KCNAB1: variants seen among roughly 807,000 people sequenced by gnomAD.
The protein encoded by KCNAB1 is voltage-gated potassium channel subunit beta-1.
In KCNAB1, 35 loss-of-function variants were observed where a neutral mutation model predicts 64.6. The ratio of observed to expected loss-of-function variants is 0.54; its 90% CI spans 0.41 to 0.72. The LOEUF is 0.72. Among genes scored for constraint, KCNAB1 ranks in the 30% least tolerant of loss-of-function variants. KCNAB1 has a pLI of 0.00. For synonymous variants in KCNAB1, 177 were observed against 183.8 expected (o/e 0.96, Z 0.30); for missense variants, 401 against 512.9 (o/e 0.78, Z 2.11).
chr3:156,137,591 C>T (rs1462837638), intron 1 of KCNAB1, among the ~76,000 whole-genome samples: 8 of 151,832 alleles, frequency 5.3e-5, no homozygotes, highest in South Asian at 2.1e-4. Context: ...CTCTATCACC[C>T]AGGCTGGAGT....
chr3:156,347,127 C>G (rs535695456), intron 1 of KCNAB1, among the ~76,000 whole-genome samples: 258 of 152,116 alleles, frequency 1.7e-3, no homozygotes, highest in African/African-American at 6.0e-3. Context: ...AAAGGTAACA[C>G]AAATTTTAAT....
At chr3:156,485,987 G>A (rs1275103126) in intron 8 of KCNAB1, among the ~76,000 whole-genome samples, 1 of 152,068 alleles carries the variant, frequency 6.6e-6, no homozygotes, top group Non-Finnish European at 1.5e-5. Context: ...GGCCCAGGAG[G>A]GTTGCTGCAT....
chr3:156,285,981 GATTA>G (rs765472878), intron 1 of KCNAB1, among the ~76,000 whole-genome samples: 48 of 152,312 alleles, frequency 3.2e-4, no homozygotes, highest in Non-Finnish European at 5.1e-4. Flanking sequence ...CCTATCCTTT[GATTA>G]ATTATGCTAT....
chr3:156,216,608 T>G (rs1012225238), intron 1 of KCNAB1, among the ~76,000 whole-genome samples: 2 of 152,182 alleles, frequency 1.3e-5, no homozygotes, highest in Non-Finnish European at 2.9e-5. Flanking sequence ...GTACTAACCC[T>G]GTGCATGAAT....
chr3:156,423,685 G>T (rs1380931166), intron 2 of KCNAB1, among the ~76,000 whole-genome samples: 2 of 152,206 alleles, frequency 1.3e-5, no homozygotes, highest in Admixed American at 6.5e-5. Context: ...AGCTTTGCAA[G>T]TTCAGGTGGG....
intron 1 of KCNAB1, among the ~76,000 whole-genome samples, chr3:156,172,443 C>A (rs1304119555): frequency 6.6e-6 from 1 of 152,180 alleles, no homozygotes; most frequent in South Asian, 2.1e-4. Context: ...CCACACCCAG[C>A]TAATTTTTGT....
chr3:156,259,583 G>A (rs1340936291), intron 1 of KCNAB1, among the ~76,000 whole-genome samples: 1 of 152,210 alleles, frequency 6.6e-6, no homozygotes. Context: ...TACCGAAACA[G>A]GAGCGTTGCT....
rs1711589961 is a variant in KCNAB1, at chr3:156,375,534, T to C, written c.276-46082T>C. Among the ~76,000 whole-genome samples the C allele has an allele frequency of 3.0e-5, 4 of 135,498 alleles. 2 individuals carry two copies. Among genetic ancestry groups the C allele is most frequent in the African/African-American group, 1.3e-4 (4 of 30,224 alleles). 88.9% of individuals were successfully genotyped at this position (135,498 alleles called of 152,430 possible). On this transcript the variant is annotated intron_variant, in intron 1 of 13. Transcript: ENST00000490337. ...AAAACAACGTTAATACATGTTATAA[T>C]TCTTTAAAAATGAATTATAAAATGG...
In KCNAB1 at chr3:156,516,287, T is replaced by C; in HGVS notation, c.883T>C (p.Trp295Arg). The change falls in exon 11 of 14, where the codon TGG (tryptophan) becomes CGG (arginine). Residue 295 changes from tryptophan to arginine, a missense_variant. Transcript: ENST00000490337. ...YHKIGVGAMT[W>R]SPLACGIISG... Reference sequence around the variant, plus strand: ...TTCTGTAGGTGTTGGCGCAATGACATGGTCTCCACTTGCCTGTGGAATCAT... The same window carrying C: ...TTCTGTAGGTGTTGGCGCAATGACACGGTCTCCACTTGCCTGTGGAATCAT... The C allele has an allele frequency of 6.2e-7, 1 of 1,613,844 alleles. No homozygotes were observed. The highest frequency in any genetic ancestry group is 8.5e-7 in the Non-Finnish European group (1 of 1,179,714).
At chr3:156,243,696 T>C (rs912406332) in intron 1 of KCNAB1, among the ~76,000 whole-genome samples, 1 of 152,234 alleles carries the variant, frequency 6.6e-6, no homozygotes, top group African/African-American at 2.4e-5. Flanking sequence ...ACTACTTCTA[T>C]TTAAGATTAG....
intron 3 of KCNAB1, among the ~76,000 whole-genome samples, chr3:156,454,394 C>T (rs1712233854): frequency 6.6e-6 from 1 of 152,180 alleles, no homozygotes; most frequent in Admixed American, 6.5e-5. Context: ...TGTCCTTTTA[C>T]TGACCAGTCA....
rs1042852474 is a variant in KCNAB1, at chr3:156,503,452, G to A, written c.659-10912G>A. 2.6e-5 allele frequency among the ~76,000 whole-genome samples: 4 copies of A among 152,326 alleles called. No individual in the cohort carries two copies. In the East Asian group the frequency reaches 7.7e-4, roughly 29 times the overall value. On this transcript the variant is annotated intron_variant, in intron 8 of 13. Coordinates refer to ENST00000490337, the MANE Select transcript of KCNAB1 (RefSeq NM_172160.3). ...GATTAAAGAGTACATGTCTGGTGGA[G>A]CAAGAAATAATATTAAGAGGATATA... is the stretch of plus-strand genomic sequence containing the variant.
chr3:156,167,227 G>A (rs931742839), intron 1 of KCNAB1, among the ~76,000 whole-genome samples: 22 of 152,180 alleles, frequency 1.4e-4, no homozygotes, highest in African/African-American at 5.1e-4. Flanking sequence ...AGGTGGCCAA[G>A]CTTGAGGGTG....
chr3:156,386,259 G>T (rs943208026), intron 1 of KCNAB1, among the ~76,000 whole-genome samples: 1 of 152,122 alleles, frequency 6.6e-6, no homozygotes, highest in Non-Finnish European at 1.5e-5. Flanking sequence ...GACTTTATAC[G>T]CTGGCCCCTT....
rs569886584 is a variant in KCNAB1, at chr3:156,305,044, G to A, written c.276-116572G>A. 1.9e-4 allele frequency among the ~76,000 whole-genome samples: 29 copies of A among 151,946 alleles called. No individual in the cohort carries two copies. The South Asian group carries it at 6.1e-3, about 32-fold the overall frequency. ...CATGGCATACTAGCTAAAGGGACTC[G>A]AGTATCAGTTTACTTCACTTTGTCT... On this transcript the variant is annotated intron_variant, in intron 1 of 13. Coordinates refer to ENST00000490337, the MANE Select transcript of KCNAB1 (RefSeq NM_172160.3).
chr3:156,400,442 G>A (rs1303643888), intron 1 of KCNAB1, among the ~76,000 whole-genome samples: 1 of 152,140 alleles, frequency 6.6e-6, no homozygotes, highest in Non-Finnish European at 1.5e-5. Flanking sequence ...TCCAATCACA[G>A]CCTCCTCCAA....
intron 1 of KCNAB1, among the ~76,000 whole-genome samples, chr3:156,357,418 A>G (rs1298376337): frequency 2.0e-5 from 3 of 152,218 alleles, no homozygotes; most frequent in East Asian, 3.9e-4. Flanking sequence ...TGCTTTTTGT[A>G]TGACAATGTA....
intron 1 of KCNAB1, among the ~76,000 whole-genome samples, chr3:156,136,071 T>A (rs1714328708): frequency 6.6e-6 from 1 of 152,156 alleles, no homozygotes; most frequent in Non-Finnish European, 1.5e-5. Flanking sequence ...GAAGTCTAAG[T>A]CTCCCACGTA....
chr3:156,526,020 C>T (rs1022408301), intron 12 of KCNAB1, among the ~76,000 whole-genome samples: 1 of 152,196 alleles, frequency 6.6e-6, no homozygotes, highest in African/African-American at 2.4e-5. Flanking sequence ...AAGCACCTCC[C>T]AGTCCTGCAA....
Sources: allele counts gnomAD v4.1 joint callset (sites outside exome capture counted in the v4.1 genomes callset), GRCh38; gene constraint gnomAD v4.1.1; transcripts MANE v1.5; gene names NCBI Gene and HGNC (gene_info 2026-07-23, HGNC 2026-07-21).